Variants in TET1 observed in about 807,000 individuals in gnomAD.
TET1 encodes tet methylcytosine dioxygenase 1.
In TET1, 13 loss-of-function variants were observed where a neutral mutation model predicts 148.7. That is an observed-to-expected ratio of 0.09 (90% confidence interval 0.06 to 0.14). TET1 has a LOEUF of 0.14. Among genes scored for constraint, TET1 ranks in the 10% least tolerant of loss-of-function variants. The pLI is 1.00. For synonymous variants in TET1, 907 were observed against 937.2 expected (o/e 0.97, Z 0.59); for missense variants, 2,182 against 2,553.8 (o/e 0.85, Z 3.14).
Position 68,686,339 on chromosome 10 carries a change from G to C in TET1, c.5053-17G>C. On this transcript the variant is annotated splice_polypyrimidine_tract_variant and intron_variant, in intron 10 of 11. Transcript: ENST00000373644. ...GACCCGTATATCTTTCCCATTTCAT[G>C]TTTTTCTCCCTATCAGGTTTGTACC... The C allele has an allele frequency of 1.9e-6, 3 of 1,565,204 alleles. No homozygotes were observed. Among genetic ancestry groups the C allele is most frequent in the Non-Finnish European group, 2.6e-6 (3 of 1,154,250 alleles).
intron 2 of TET1, among the ~76,000 whole-genome samples, chr10:68,592,606 A>G (rs1024533688): frequency 3.8e-5 from 5 of 132,452 alleles, no homozygotes; most frequent in Admixed American, 7.5e-5. Context: ...GTATCTCCCC[A>G]TGGCCCCTTA....
intron 7 of TET1, among the ~76,000 whole-genome samples, chr10:68,671,220 C>T (rs959661713): frequency 1.3e-5 from 2 of 152,156 alleles, no homozygotes; most frequent in African/African-American, 4.8e-5. Context: ...CTCAAGTAGG[C>T]CCCAGTGTCT....
At chr10:68,668,182 T>G (rs1215306045) in intron 7 of TET1, among the ~76,000 whole-genome samples, 1 of 152,232 alleles carries the variant, frequency 6.6e-6, no homozygotes, top group East Asian at 1.9e-4. Context: ...TCTTATTCTG[T>G]GATATAATTT....
chr10:68,690,594 TA>T (rs2133247267), intron 11 of TET1, among the ~76,000 whole-genome samples: 1 of 152,266 alleles, frequency 6.6e-6, no homozygotes, highest in Non-Finnish European at 1.5e-5. Context: ...AAAAAAAACA[TA>T]AAAATAAAAA....
intron 2 of TET1, among the ~76,000 whole-genome samples, chr10:68,576,978 G>A (rs1303040089): frequency 1.3e-5 from 2 of 151,738 alleles, no homozygotes; most frequent in Non-Finnish European, 1.5e-5. Context: ...GCGCGATCTC[G>A]GCTCACTGCA....
chr10:68,639,032 C>T (rs1018671766), intron 3 of TET1, among the ~76,000 whole-genome samples: 4 of 151,502 alleles, frequency 2.6e-5, no homozygotes, highest in South Asian at 2.1e-4. Flanking sequence ...AGCAAGTTCT[C>T]GTCTTAGGAT....
In TET1 at chr10:68,623,422, A is replaced by C. The variant is rs188080764; in HGVS notation, c.1969-21276A>C. On this transcript the variant is annotated intron_variant, in intron 3 of 11. Coordinates refer to ENST00000373644, the MANE Select transcript of TET1 (RefSeq NM_030625.3). ...AAGGGAGGAGGAAACAGCCTACTAC[A>C]TACTGTTTCGAGGTAGTTAGTTTCC... Among the ~76,000 whole-genome samples, 371 of 152,312 alleles carry C rather than the reference A, an allele frequency of 2.4e-3. 2 individuals are homozygous for C. Among genetic ancestry groups the C allele is most frequent in the African/African-American group, 8.5e-3 (355 of 41,564 alleles).
chr10:68,639,328 G>A (rs1367769861), intron 3 of TET1, among the ~76,000 whole-genome samples: 3 of 151,708 alleles, frequency 2.0e-5, no homozygotes, highest in African/African-American at 4.8e-5. Flanking sequence ...TGGCTGAGGC[G>A]GGAGAATCAC....
intron 3 of TET1, among the ~76,000 whole-genome samples, chr10:68,614,112 G>T (rs534488818): frequency 1.8e-4 from 28 of 152,270 alleles, no homozygotes; most frequent in African/African-American, 6.5e-4. Flanking sequence ...CTGAAGATTG[G>T]AACATTTCAT....
rs1375801100 is a variant in TET1 at position 68,646,350 on chromosome 10, T to C, written c.3621T>C (p.Pro1207=). ...NFGQFCPHDF[P]TVFGKISSST... ...GGCAATTTTGTCCACATGATTTTCC[T>C]ACTGTATTTGGGAAAATTTCTTCCT... Residue 1207 remains proline, a synonymous_variant, in exon 4 of 12, where the codon CCT becomes CCC. Transcript: ENST00000373644. 1 of 1,614,062 alleles carries C rather than the reference T, an allele frequency of 6.2e-7. No individual in the cohort carries two copies. Among genetic ancestry groups the C allele is most frequent in the Non-Finnish European group, 8.5e-7 (1 of 1,180,050 alleles).
chr10:68,648,878 G>A (rs1258726521), intron 4 of TET1, among the ~76,000 whole-genome samples: 1 of 152,160 alleles, frequency 6.6e-6, no homozygotes, highest in Non-Finnish European at 1.5e-5. Flanking sequence ...TTCCTAAAGT[G>A]CTGGGATTAC....
In TET1 at chr10:68,667,224, C is replaced by A. The variant is rs968288079; in HGVS notation, c.4641C>A (p.His1547Gln). 3.1e-6 allele frequency: 5 copies of A among 1,613,682 alleles called. No individual in the cohort carries two copies. Among genetic ancestry groups the A allele is most frequent in the African/African-American group, 2.7e-5 (2 of 74,868 alleles). ...AGAATCTAAAGTCATACAATGGGCA[C>A]CCTACCGACAGAAGATGCACCCTCA... is the stretch of plus-strand genomic sequence containing the variant. ...LTENLKSYNGHPTDRRCTLNE... is the reference protein window; with the variant it reads ...LTENLKSYNGQPTDRRCTLNE... Residue 1547 changes from histidine to glutamine, a missense_variant, in exon 7 of 12, where the codon CAC becomes CAA. Physicochemically the swap from His to Gln is conservative, Grantham distance 24. Transcript: ENST00000373644.
At chr10:68,570,327 A>G (rs959432306) in intron 1 of TET1, among the ~76,000 whole-genome samples, 4 of 149,592 alleles carry the variant, frequency 2.7e-5, no homozygotes, top group African/African-American at 4.9e-5. Context: ...CTGGTCTCAA[A>G]CTCCTGACCT....
rs2055433990 is a variant in TET1, at chr10:68,681,506, C to T, written c.4914+18C>T. The T allele has an allele frequency of 1.3e-6, 2 of 1,550,156 alleles. No homozygotes were observed. The highest frequency in any genetic ancestry group is 2.7e-5 in the African/African-American group (2 of 73,304). On this transcript the variant is annotated intron_variant, in intron 9 of 11. Coordinates refer to ENST00000373644, the MANE Select transcript of TET1 (RefSeq NM_030625.3). The stretch of plus-strand genomic sequence containing the variant: ...AAAATCAGGTATGTATTGGTATGAA[C>T]TTTTTATTTATTTATTAATTTGAGG...
chr10:68,603,243 A>C (rs776288584), intron 3 of TET1, among the ~76,000 whole-genome samples: 1 of 152,170 alleles, frequency 6.6e-6, no homozygotes, highest in South Asian at 2.1e-4. Flanking sequence ...AGATGTTGAA[A>C]TCTCCTGGAT....
chr10:68,673,898 A>G (rs1035271117), intron 8 of TET1, among the ~76,000 whole-genome samples: 2 of 147,718 alleles, frequency 1.4e-5, no homozygotes, highest in African/African-American at 5.0e-5. Flanking sequence ...CTAAGAGTCT[A>G]TGATACATCA....
chr10:68,611,121 C>T (rs747470135), intron 3 of TET1, among the ~76,000 whole-genome samples: 19 of 151,954 alleles, frequency 1.3e-4, no homozygotes, highest in Non-Finnish European at 2.2e-4. Flanking sequence ...GGTGAAACCC[C>T]GTCTCTACTA....
chr10:68,596,901 C>G (rs1202631216), intron 2 of TET1, among the ~76,000 whole-genome samples: 2 of 151,980 alleles, frequency 1.3e-5, no homozygotes, highest in Non-Finnish European at 2.9e-5. Context: ...GTATCCTATA[C>G]AGTGAAAACA....
intron 4 of TET1, among the ~76,000 whole-genome samples, chr10:68,650,755 G>A (rs531965065): frequency 2.6e-5 from 4 of 152,118 alleles, no homozygotes; most frequent in Admixed American, 1.3e-4. Flanking sequence ...TTCATGAAAC[G>A]CAGAAATTCC....
Sources: gnomAD v4.1 joint callset for allele counts (sites outside exome capture counted in the v4.1 genomes callset) on GRCh38, gnomAD v4.1.1 for gene constraint, MANE v1.5 for transcripts, NCBI Gene and HGNC (gene_info 2026-07-23, HGNC 2026-07-21) for gene names.